The following ADCY2 variants were observed in gnomAD, a reference collection of about 807,000 sequenced individuals.
ADCY2 encodes the protein adenylate cyclase type 2.
Under a neutral mutation model 125.2 loss-of-function variants are expected in ADCY2, and 31 were observed. The ratio of observed to expected loss-of-function variants is 0.25; its 90% CI spans 0.19 to 0.33. The LOEUF is 0.33. Ranked by LOEUF, ADCY2 falls within the 10% of genes least tolerant of loss-of-function variation. ADCY2 has a pLI of 1.00. For missense variants in ADCY2, 904 were observed against 1,418.2 expected (o/e 0.64, Z 5.82); for synonymous variants, 512 against 548.4 (o/e 0.93, Z 0.93).
chr5:7,783,493 G>A (rs1743983868), intron 18 of ADCY2, among the ~76,000 whole-genome samples: 1 of 151,802 alleles, frequency 6.6e-6, no homozygotes, highest in Non-Finnish European at 1.5e-5. Flanking sequence ...AAAGCCTCTT[G>A]TTATCTCGTT....
chr5:7,724,743 C>T lies in ADCY2; in HGVS notation c.1773+129C>T, dbSNP rs1052041104. 20 of 678,504 alleles carry T rather than the reference C, an allele frequency of 2.9e-5. No individual in the cohort carries two copies. The African/African-American group carries it at 3.3e-4, about 11-fold the overall frequency. The allele number at this position is 678,504 out of a possible 1,614,324, so 42.0% of individuals were successfully genotyped here. On this transcript the variant is annotated intron_variant, in intron 13 of 24. Coordinates refer to ENST00000338316, the MANE Select transcript of ADCY2 (RefSeq NM_020546.3). ...CTGACTATATTCGAACTCTTTCTGGCTTTTCTGGTGGTTCTTTCATGCATA... is the reference window on the plus strand; with the variant it reads ...CTGACTATATTCGAACTCTTTCTGGTTTTTCTGGTGGTTCTTTCATGCATA...
intron 24 of ADCY2, among the ~76,000 whole-genome samples, chr5:7,821,444 T>C (rs1745296469): frequency 6.6e-6 from 1 of 152,192 alleles, no homozygotes; most frequent in Non-Finnish European, 1.5e-5. Context: ...AGTGACAGAA[T>C]CAAGGAAGAG....
chr5:7,747,573 G>T (rs948799794), intron 15 of ADCY2, among the ~76,000 whole-genome samples: 3 of 152,156 alleles, frequency 2.0e-5, no homozygotes, highest in Non-Finnish European at 4.4e-5. Context: ...ATGTGAGTCA[G>T]TGGCCTTCAT....
intron 15 of ADCY2, 41 bp downstream of exon 15, chr5:7,743,793 A>G: frequency 6.3e-7 from 1 of 1,584,236 alleles, no homozygotes; most frequent in Non-Finnish European, 8.7e-7. Flanking sequence ...AAGTATGCTC[A>G]TTTCATGAAA....
chr5:7,454,683 A>G (rs1385826317), intron 2 of ADCY2, among the ~76,000 whole-genome samples: 1 of 152,204 alleles, frequency 6.6e-6, no homozygotes, highest in Non-Finnish European at 1.5e-5. Flanking sequence ...AAACTCACAG[A>G]GAATTCCAAC....
intron 2 of ADCY2, among the ~76,000 whole-genome samples, chr5:7,417,727 GTTTCC>G (rs1252400142): frequency 2.0e-5 from 3 of 152,168 alleles, no homozygotes; most frequent in Admixed American, 2.0e-4. Flanking sequence ...TTGCTTGAGT[GTTTCC>G]ATGGCACTTA....
intron 2 of ADCY2, among the ~76,000 whole-genome samples, chr5:7,511,624 T>C (rs1744063870): frequency 6.7e-6 from 1 of 148,814 alleles, no homozygotes; most frequent in Non-Finnish European, 1.5e-5. Flanking sequence ...AAACGAGGGG[T>C]TTTTTAGATA....
chr5:7,632,412 C>A (rs1738346023), intron 4 of ADCY2, among the ~76,000 whole-genome samples: 1 of 152,138 alleles, frequency 6.6e-6, no homozygotes, highest in South Asian at 2.1e-4. Flanking sequence ...CCATCTTGGT[C>A]ATCACATTTT....
intron 14 of ADCY2, among the ~76,000 whole-genome samples, chr5:7,738,526 G>A (rs10780106): frequency 0.45 from 67,662 of 151,300 alleles, 16,165 homozygotes; most frequent in East Asian, 0.94. Flanking sequence ...AAGCAATGGG[G>A]CAAATAAACA....
chr5:7,708,100 T>C (rs1182476983), intron 9 of ADCY2: 1 of 354,746 alleles, frequency 2.8e-6, no homozygotes, highest in Non-Finnish European at 5.1e-6. Flanking sequence ...TGTGTGTTAG[T>C]CGGTGTATTC....
intron 2 of ADCY2, among the ~76,000 whole-genome samples, chr5:7,510,058 G>T (rs189872425): frequency 6.6e-6 from 1 of 152,206 alleles, no homozygotes; most frequent in African/African-American, 2.4e-5. Context: ...ATGACACAGA[G>T]AAGGTCTGAA....
At chr5:7,745,043 G>A (rs182136747) in intron 15 of ADCY2, among the ~76,000 whole-genome samples, 11 of 152,258 alleles carry the variant, frequency 7.2e-5, no homozygotes, top group South Asian at 4.2e-4. Context: ...TTCTGCATGC[G>A]TTTATAGTTT....
At chr5:7,468,306 A>G (rs1482418762) in intron 2 of ADCY2, among the ~76,000 whole-genome samples, 2 of 152,200 alleles carry the variant, frequency 1.3e-5, no homozygotes, top group Non-Finnish European at 2.9e-5. Context: ...AAATATATGA[A>G]TGAAGGACTC....
intron 3 of ADCY2, among the ~76,000 whole-genome samples, chr5:7,569,934 A>G (rs1349152673): frequency 2.6e-5 from 4 of 152,150 alleles, no homozygotes; most frequent in African/African-American, 4.8e-5. Flanking sequence ...TGAATTTTCA[A>G]TGGATAAACA....
At chr5:7,818,655 C>T (rs1745198591) in intron 23 of ADCY2, among the ~76,000 whole-genome samples, 1 of 152,076 alleles carries the variant, frequency 6.6e-6, no homozygotes, top group South Asian at 2.1e-4. Flanking sequence ...CCTCAGTCTC[C>T]CAAAATGCCA....
intron 3 of ADCY2, among the ~76,000 whole-genome samples, chr5:7,618,277 T>C (rs552848160): frequency 1.3e-5 from 2 of 152,238 alleles, no homozygotes; most frequent in African/African-American, 4.8e-5. Flanking sequence ...AGGTGTTTTC[T>C]GATTCAGTCA....
At chr5:7,462,317 G>A (rs1333980162) in intron 2 of ADCY2, among the ~76,000 whole-genome samples, 1 of 152,106 alleles carries the variant, frequency 6.6e-6, no homozygotes, top group African/African-American at 2.4e-5. Flanking sequence ...AAAAAATACT[G>A]GCAGATGAAA....
chr5:7,454,738 GTTTTC>G (rs965031387), intron 2 of ADCY2, among the ~76,000 whole-genome samples: 1 of 151,950 alleles, frequency 6.6e-6, no homozygotes, highest in Non-Finnish European at 1.5e-5. Flanking sequence ...CCTATGGGGT[GTTTTC>G]TTTTCATTTA....
At chr5:7,499,445 A>G (rs1478777729) in intron 2 of ADCY2, among the ~76,000 whole-genome samples, 1 of 152,010 alleles carries the variant, frequency 6.6e-6, no homozygotes, top group Non-Finnish European at 1.5e-5. Flanking sequence ...GTGCAGTTAG[A>G]AATTTTGTAC....
Sources: allele counts gnomAD v4.1 joint callset (sites outside exome capture counted in the v4.1 genomes callset), GRCh38; gene constraint gnomAD v4.1.1; transcripts MANE v1.5; gene names NCBI Gene and HGNC (gene_info 2026-07-23, HGNC 2026-07-21).